OPCML: variants seen among roughly 807,000 people sequenced by gnomAD.
OPCML encodes opioid binding protein/cell adhesion molecule like, also known as opioid-binding protein/cell adhesion molecule.
Under a neutral mutation model 37.8 loss-of-function variants are expected in OPCML, and 13 were observed. The ratio of observed to expected loss-of-function variants is 0.34; its 90% confidence interval spans 0.22 to 0.55. The LOEUF is 0.55. Ranked by LOEUF, OPCML falls within the 20% of genes least tolerant of loss-of-function variation. The pLI is 0.91. For missense variants in OPCML, 341 were observed against 435.6 expected, an observed-to-expected ratio of 0.78 and a Z score of 1.93; for synonymous variants, 176 against 168.8, an observed-to-expected ratio of 1.04 and a Z score of -0.33.
At chr11:133,056,708 C>T (rs1427925579) in intron 1 of OPCML, among the ~76,000 whole-genome samples, 5 of 152,188 alleles carry the variant, frequency 3.3e-5, no homozygotes, top group Non-Finnish European at 7.3e-5. Flanking sequence ...GTGCAGTACT[C>T]AGATGGTTTT....
intron 2 of OPCML, among the ~76,000 whole-genome samples, chr11:132,940,233 C>T (rs1400005219): frequency 6.6e-6 from 1 of 152,170 alleles, no homozygotes; most frequent in Non-Finnish European, 1.5e-5. Context: ...AAGTGAAAGG[C>T]AGGCCCAGGT....
chr11:133,270,888 G>A (rs1941808936), intron 1 of OPCML, among the ~76,000 whole-genome samples: 1 of 152,176 alleles, frequency 6.6e-6, no homozygotes, highest in Non-Finnish European at 1.5e-5. Flanking sequence ...AAGTATACAA[G>A]GCCCAGAGAG....
intron 2 of OPCML, among the ~76,000 whole-genome samples, chr11:132,823,190 G>A (rs1273983740): frequency 1.3e-5 from 2 of 152,040 alleles, no homozygotes; most frequent in Non-Finnish European, 2.9e-5. Flanking sequence ...TTCTTCCCCT[G>A]TCCCTGTTCC....
chr11:133,485,952 G>T (rs535688909), intron 1 of OPCML, among the ~76,000 whole-genome samples: 3 of 152,194 alleles, frequency 2.0e-5, no homozygotes, highest in African/African-American at 7.2e-5. Context: ...TGGCCCACAG[G>T]CATAGGGCTA....
intron 4 of OPCML, among the ~76,000 whole-genome samples, chr11:132,484,802 G>A (rs1245559832): frequency 6.6e-6 from 1 of 152,104 alleles, no homozygotes; most frequent in African/African-American, 2.4e-5. Context: ...ATCATTCTCA[G>A]TAAACTATCG....
Position 133,393,405 on chromosome 11 carries a change from A to G in OPCML, c.61+138859T>C, listed in dbSNP as rs143473262. Among the ~76,000 whole-genome samples the G allele has an allele frequency of 1.5e-3, 232 of 152,326 alleles. 1 individual carries two copies. Among genetic ancestry groups the G allele is most frequent in the African/African-American group, 5.4e-3 (226 of 41,580 alleles). ...CTAACTTGGTGTTTGAGGTGACCTT[A>G]TAGACCACAGATTATGAGAATCAAC... On this transcript the variant is annotated intron_variant, in intron 1 of 7. Coordinates refer to ENST00000524381, the MANE Select transcript of OPCML (RefSeq NM_001012393.5).
rs185300466 is a variant in OPCML, at chr11:132,671,949, G to A, written c.147-14630C>T. Reference sequence around the variant, plus strand: ...CAATACACCACCTTAATTGTGTTCTGCTCAAGTGACTATTGAAATTATTAT... The same window carrying A: ...CAATACACCACCTTAATTGTGTTCTACTCAAGTGACTATTGAAATTATTAT... On this transcript the variant is annotated intron_variant, in intron 2 of 7. Transcript: ENST00000524381. Among the ~76,000 whole-genome samples, 535 of 152,256 alleles carry A rather than the reference G, an allele frequency of 3.5e-3. 4 individuals are homozygous for A. The highest frequency in any genetic ancestry group is 0.021 in the South Asian group (101 of 4,822).
At chr11:133,325,564 A>G (rs1347739179) in intron 1 of OPCML, among the ~76,000 whole-genome samples, 1 of 152,228 alleles carries the variant, frequency 6.6e-6, no homozygotes, top group African/African-American at 2.4e-5. Context: ...GTATATGTAG[A>G]CATATATATC....
intron 1 of OPCML, among the ~76,000 whole-genome samples, chr11:133,522,333 C>A (rs1370893736): frequency 6.6e-6 from 1 of 152,158 alleles, no homozygotes; most frequent in Non-Finnish European, 1.5e-5. Flanking sequence ...CCAAACAAGT[C>A]AAGTTGACAC....
intron 1 of OPCML, among the ~76,000 whole-genome samples, chr11:133,045,717 T>C (rs6590674): frequency 0.35 from 52,505 of 152,130 alleles, 9,885 homozygotes; most frequent in South Asian, 0.43. Context: ...ACCAGTGATA[T>C]CTTCGTCTTC....
chr11:133,043,420 T>C (rs1284384028), intron 1 of OPCML, among the ~76,000 whole-genome samples: 2 of 152,216 alleles, frequency 1.3e-5, no homozygotes, highest in East Asian at 3.9e-4. Context: ...TCAGCCCCTC[T>C]GCTCCTCAGC....
At chr11:133,200,162 C>A (rs905877902) in intron 1 of OPCML, among the ~76,000 whole-genome samples, 7 of 152,188 alleles carry the variant, frequency 4.6e-5, no homozygotes, top group African/African-American at 1.7e-4. Context: ...CAAGAACCAA[C>A]TTGAGAACTT....
chr11:132,788,053 G>C (rs1947283317), intron 2 of OPCML, among the ~76,000 whole-genome samples: 1 of 152,038 alleles, frequency 6.6e-6, no homozygotes, highest in East Asian at 1.9e-4. Context: ...GCTAATTTTT[G>C]TATTTTTAGT....
At chr11:133,213,223 G>GTTTTTTTTTTTTTTTTTTTT (rs35872459) in intron 1 of OPCML, among the ~76,000 whole-genome samples, 1 of 126,406 alleles carries the variant, frequency 7.9e-6, no homozygotes, top group African/African-American at 2.9e-5. Flanking sequence ...TTCATAATGA[G>GTTTTTTTTTTTTTTTTTTTT]TTTTTTTTTT....
chr11:133,422,600 T>C, intron 1 of OPCML: 1 of 957,352 alleles, frequency 1.0e-6, no homozygotes, highest in Non-Finnish European at 1.2e-6. Flanking sequence ...CAAGCAATCC[T>C]GCTACCGCAG....
intron 1 of OPCML, among the ~76,000 whole-genome samples, chr11:133,187,096 A>G (rs2136295316): frequency 1.3e-5 from 2 of 152,308 alleles, no homozygotes; most frequent in Admixed American, 1.3e-4. Context: ...GATCTGATTT[A>G]CATTTTACAG....
intron 2 of OPCML, among the ~76,000 whole-genome samples, chr11:132,931,206 T>TA (rs1173840974): frequency 6.6e-6 from 1 of 151,420 alleles, no homozygotes; most frequent in South Asian, 2.1e-4. Flanking sequence ...CTAAAACTAT[T>TA]AAAAAAAATT....
intron 2 of OPCML, among the ~76,000 whole-genome samples, chr11:132,687,086 C>A (rs953845320): frequency 6.6e-6 from 1 of 151,850 alleles, no homozygotes; most frequent in African/African-American, 2.4e-5. Flanking sequence ...TAAATAAGAT[C>A]TATAAATGTA....
At chr11:132,975,690 G>T (rs961796546) in intron 1 of OPCML, among the ~76,000 whole-genome samples, 2 of 151,398 alleles carry the variant, frequency 1.3e-5, no homozygotes, top group Admixed American at 6.6e-5. Flanking sequence ...ATCAGCAGCT[G>T]GCTTTCTTTT....
Sources: gnomAD v4.1 joint callset for allele counts (sites outside exome capture counted in the v4.1 genomes callset) on GRCh38, gnomAD v4.1.1 for gene constraint, MANE v1.5 for transcripts, NCBI Gene and HGNC (gene_info 2026-07-23, HGNC 2026-07-21) for gene names.